RASGRP4: variants seen among roughly 807,000 people sequenced by gnomAD.
RASGRP4 encodes the protein RAS guanyl releasing protein 4.
Under a neutral mutation model 84.4 loss-of-function variants are expected in RASGRP4, and 52 were observed. That is an observed-to-expected ratio of 0.62 (90% confidence interval 0.49 to 0.78). The LOEUF (loss-of-function observed/expected upper bound fraction) is 0.78, where lower values mean the gene tolerates loss of function less well. Ranked by LOEUF, RASGRP4 falls within the 30% of genes least tolerant of loss-of-function variation. The pLI, the probability that RASGRP4 is intolerant of heterozygous loss-of-function variation, is 0.00. For missense variants in RASGRP4, 760 were observed against 886.9 expected, an observed-to-expected ratio of 0.86 and a Z score of 1.82; for synonymous variants, 356 against 359.1, an observed-to-expected ratio of 0.99 and a Z score of 0.10.
chr19:38,412,891 G>A lies in RASGRP4; in HGVS notation c.1535+40C>T. 1.1e-5 allele frequency: 17 copies of A among 1,613,326 alleles called. No individual in the cohort carries two copies. Among genetic ancestry groups the A allele is most frequent in the Non-Finnish European group, 1.4e-5 (17 of 1,179,310 alleles). ...ACCCAGGAGTCCAGGCAACCCCAGT[G>A]TCCTCATCTTCGGAGGATCCAGGAG... On this transcript the variant is annotated intron_variant, in intron 12 of 16. Coordinates refer to ENST00000615439, the MANE Select transcript of RASGRP4 (RefSeq NM_170604.3). The surrounding 1 kb of genome is among the most constrained non-coding windows in gnomAD (Gnocchi z 4.6).
rs565858291 is a variant in RASGRP4 at position 38,424,250 on chromosome 19, G to T, written c.23+1819C>A. Among the ~76,000 whole-genome samples the T allele has an allele frequency of 2.0e-5, 3 of 152,168 alleles. No homozygotes were observed. The East Asian group carries it at 5.8e-4, about 29-fold the overall frequency. The stretch of plus-strand genomic sequence containing the variant: ...TTCTCCTGCCTCAGCCTCCCAAGTA[G>T]TTGGGACTACAGGCACGTGCCACCA... On this transcript the variant is annotated intron_variant, in intron 1 of 16. Coordinates refer to ENST00000615439, the MANE Select transcript of RASGRP4 (RefSeq NM_170604.3).
chr19:38,419,499 C>G (rs1018483235), intron 6 of RASGRP4, among the ~76,000 whole-genome samples: 5 of 152,182 alleles, frequency 3.3e-5, no homozygotes, highest in African/African-American at 1.2e-4. Flanking sequence ...GTGGTGTGAT[C>G]TCAGCTCACT....
rs1971589526 is a variant in RASGRP4 at position 38,418,307 on chromosome 19, AC to A, written c.837+83del. ...GATGCGTGACGTCACCGCCGGGATG[AC>A]CCTGTGGGGTCGAGGGTCTGGAAGG... On this transcript the variant is annotated intron_variant, in intron 7 of 16. Transcript: ENST00000615439. This position sits in a 1 kb window ranked among gnomAD's most constrained non-coding sequence, Gnocchi z 4.6. 1.4e-6 allele frequency: 2 copies of A among 1,412,970 alleles called. No individual in the cohort carries two copies. The highest frequency in any genetic ancestry group is 2.5e-5 in the East Asian group (1 of 40,204). 87.5% of individuals were successfully genotyped at this position (1,412,970 alleles called of 1,614,324 possible).
Position 38,418,475 on chromosome 19 carries a change from G to T in RASGRP4, c.753C>A (p.Ser251=). ...TCAGCACCATCACCTGCACCCAGCGGGACACGCTGTTGCTGAGACCTACGG... is the reference window on the plus strand; with the variant it reads ...TCAGCACCATCACCTGCACCCAGCGTGACACGCTGTTGCTGAGACCTACGG... ...EGSVGLSNSV[S]RWVQVMVLSR... is the part of the protein sequence containing the mutation. The change falls in exon 7 of 17, where the codon TCC becomes TCA. Residue 251 remains serine (S), a synonymous_variant. Coordinates refer to ENST00000615439, the MANE Select transcript of RASGRP4 (RefSeq NM_170604.3). The surrounding 1 kb of genome is among the most constrained non-coding windows in gnomAD (Gnocchi z 4.6). 1.3e-6 allele frequency: 2 copies of T among 1,587,292 alleles called. No homozygotes were observed. Among genetic ancestry groups the T allele is most frequent in the Non-Finnish European group, 1.7e-6 (2 of 1,167,266 alleles).
intron 6 of RASGRP4, 85 bp downstream of exon 6, chr19:38,419,775 C>T: frequency 7.6e-7 from 1 of 1,309,244 alleles, no homozygotes; most frequent in Non-Finnish European, 1.1e-6. Flanking sequence ...TGCAGGTGTC[C>T]TCTCAGTCCT....
At chr19:38,420,332 C>A in intron 4 of RASGRP4, 70 bp from the exon 5 acceptor site, 1 of 1,541,560 alleles carries the variant, frequency 6.5e-7, no homozygotes, top group Non-Finnish European at 8.7e-7. Flanking sequence ...GTATTTTGGG[C>A]TGAGGAATTT....
rs1414510703 is a variant in RASGRP4 at position 38,411,333 on chromosome 19, C to T, written c.1717+12G>A. On this transcript the variant is annotated intron_variant, in intron 14 of 16. Coordinates refer to ENST00000615439, the MANE Select transcript of RASGRP4 (RefSeq NM_170604.3). ...CCAAGGCTTCCCTCCCACTCACTGA[C>T]ACCCCACTCACCCCGACAGCGGTAG... The T allele has an allele frequency of 3.1e-6, 5 of 1,605,040 alleles. No individual in the cohort carries two copies. Among genetic ancestry groups the T allele is most frequent in the South Asian group, 1.1e-5 (1 of 89,668 alleles).
At position 38,411,169 on chromosome 19, in the gene RASGRP4, C is replaced by A. The variant is rs758788130; in HGVS notation, c.1798G>T (p.Ala600Ser). Residue 600 changes from alanine (A) to serine (S), a missense_variant, in exon 15 of 17, where the codon GCA becomes TCA. Physicochemically the swap from Ala to Ser is moderately conservative, Grantham distance 99. Coordinates refer to ENST00000615439, the MANE Select transcript of RASGRP4 (RefSeq NM_170604.3). ...GGGACAGGAGCTCCGGGGGGTCCTG[C>A]ATCGCCCTTGGCCCCTGGCCTCTTC... ...CKKRPGAKGD[A>S]GPPGAPVPST... The A allele has an allele frequency of 1.2e-6, 2 of 1,613,942 alleles. No individual in the cohort carries two copies. The highest frequency in any genetic ancestry group is 2.2e-5 in the South Asian group (2 of 91,078).
intron 13 of RASGRP4, chr19:38,411,610 G>C: frequency 1.9e-6 from 1 of 536,502 alleles, no homozygotes; most frequent in Non-Finnish European, 3.3e-6. Flanking sequence ...TGGGAGGATC[G>C]CTTGAGCTCA....
At chr19:38,423,505 G>A (rs140675762) in intron 1 of RASGRP4, among the ~76,000 whole-genome samples, 41 of 150,252 alleles carry the variant, frequency 2.7e-4, no homozygotes, top group African/African-American at 9.8e-4. Flanking sequence ...CAACCTGGGT[G>A]ACAGAGTGAT....
At chr19:38,420,697 A>AG (rs1269863886) in intron 4 of RASGRP4, among the ~76,000 whole-genome samples, 1 of 106,838 alleles carries the variant, frequency 9.4e-6, no homozygotes, top group Non-Finnish European at 1.9e-5. Flanking sequence ...CTGGTTGGTG[A>AG]GGGGGGTCTC....
In RASGRP4 at chr19:38,413,285, A is replaced by G. The variant is rs1971351493; in HGVS notation, c.1324T>C (p.Phe442Leu). The G allele has an allele frequency of 1.2e-6, 2 of 1,613,182 alleles. No individual in the cohort carries two copies. The highest frequency in any genetic ancestry group is 1.7e-5 in the Admixed American group (1 of 59,950). ...CACTCCACCACCAGAGGTGCATTGAAGGGGGAGGGTGGCTGGGGCGGGGAC... is the reference window on the plus strand; with the variant it reads ...CACTCCACCACCAGAGGTGCATTGAGGGGGGAGGGTGGCTGGGGCGGGGAC... ...RCPKSLPPSPFNAPLVVEWAP... is the reference protein window; with the variant it reads ...RCPKSLPPSPLNAPLVVEWAP... The change falls in exon 11 of 17, where the codon TTC becomes CTC. Residue 442 changes from phenylalanine to leucine, a missense_variant. Phe to Leu is a conservative substitution (Grantham distance 22). Coordinates refer to ENST00000615439, the MANE Select transcript of RASGRP4 (RefSeq NM_170604.3). The surrounding 1 kb of genome is among the most constrained non-coding windows in gnomAD (Gnocchi z 4.7).
chr19:38,412,764 C>A lies in RASGRP4; in HGVS notation c.1588G>T (p.Ala530Ser). ...ELTGYLLRAS[A>S]ICSKLGLAFL... is the part of the protein sequence containing the mutation. ...GCCAGGCCCAACTTGGAGCAGATGGCGCTGGCCCGGAGCAGGTACCCTGTC... is the reference window on the plus strand; with the variant it reads ...GCCAGGCCCAACTTGGAGCAGATGGAGCTGGCCCGGAGCAGGTACCCTGTC... The change falls in exon 13 of 17, where the codon GCC becomes TCC. Residue 530 changes from alanine to serine, a missense_variant. By Grantham distance (99) the Ala-to-Ser change is moderately conservative. Coordinates refer to ENST00000615439, the MANE Select transcript of RASGRP4 (RefSeq NM_170604.3). The surrounding 1 kb of genome is among the most constrained non-coding windows in gnomAD (Gnocchi z 4.6). The A allele has an allele frequency of 6.2e-7, 1 of 1,608,766 alleles. No homozygotes were observed. The highest frequency in any genetic ancestry group is 1.7e-5 in the Admixed American group (1 of 58,746).
At chr19:38,411,857 A>ACAGGAGGTGCT (rs1971270317) in intron 13 of RASGRP4, among the ~76,000 whole-genome samples, 1 of 152,222 alleles carries the variant, frequency 6.6e-6, no homozygotes, top group South Asian at 2.1e-4. Flanking sequence ...TACCTGGCAC[A>ACAGGAGGTGCT]CAGGAGGTGC....
rs115935493 is a variant in RASGRP4 at position 38,422,681 on chromosome 19, C to T, written c.24-528G>A. On this transcript the variant is annotated intron_variant, in intron 1 of 16. Transcript: ENST00000615439. ...AATGCCTGATGATCTGTCACTGTCTCTCATCACCCCCAGATGGGAGCATCC... is the reference window on the plus strand; with the variant it reads ...AATGCCTGATGATCTGTCACTGTCTTTCATCACCCCCAGATGGGAGCATCC... Among the ~76,000 whole-genome samples, 1,450 of 152,222 alleles carry T rather than the reference C, an allele frequency of 9.5e-3. 26 individuals are homozygous for T. Among genetic ancestry groups the T allele is most frequent in the African/African-American group, 0.033 (1,372 of 41,502 alleles).
chr19:38,415,564 G>C (rs531263033), intron 8 of RASGRP4, among the ~76,000 whole-genome samples: 125 of 151,530 alleles, frequency 8.2e-4, no homozygotes, highest in African/African-American at 2.9e-3. Context: ...GTAGAGACAG[G>C]GTTTTACCAT....
At position 38,417,190 on chromosome 19, in the gene RASGRP4, CAG is replaced by C; in HGVS notation, c.838-24_838-23del. Reference sequence around the variant, plus strand: ...GCCTCTAGGAAGAGAAGCATGCACACAGGGCCGTCACGGGAGGGAGGGCAAGT... The same window carrying C: ...GCCTCTAGGAAGAGAAGCATGCACACGGCCGTCACGGGAGGGAGGGCAAGT... On this transcript the variant is annotated intron_variant, in intron 7 of 16. Transcript: ENST00000615439. This position sits in a 1 kb window ranked among gnomAD's most constrained non-coding sequence, Gnocchi z 5.1. 6.7e-7 allele frequency: 1 copy of C among 1,491,734 alleles called. No individual in the cohort carries two copies. The highest frequency in any genetic ancestry group is 9.2e-7 in the Non-Finnish European group (1 of 1,092,166). The allele number at this position is 1,491,734 out of a possible 1,614,324, so 92.4% of individuals were successfully genotyped here. A position where few individuals can be genotyped will look rare whatever the true frequency, so the allele number is the denominator to read the frequency against.
rs1369769772 is a variant in RASGRP4 at position 38,418,127 on chromosome 19, G to T, written c.837+264C>A. On this transcript the variant is annotated intron_variant, in intron 7 of 16. Coordinates refer to ENST00000615439, the MANE Select transcript of RASGRP4 (RefSeq NM_170604.3). This position sits in a 1 kb window ranked among gnomAD's most constrained non-coding sequence, Gnocchi z 4.6. ...GAAGAGACACTCTCATTGACCTGGG[G>T]ATAGAATATTCGGGCATAGGGCTTG... 1.3e-5 allele frequency among the ~76,000 whole-genome samples: 2 copies of T among 152,134 alleles called. No individual in the cohort carries two copies. The highest frequency in any genetic ancestry group is 4.8e-5 in the African/African-American group (2 of 41,434).
intron 1 of RASGRP4, among the ~76,000 whole-genome samples, chr19:38,425,588 C>A (rs1027532632): frequency 3.3e-5 from 5 of 152,164 alleles, no homozygotes; most frequent in Non-Finnish European, 7.4e-5. Flanking sequence ...AGATGAAGCC[C>A]ATTCCAGAAC....
Sources: gnomAD v4.1 joint callset for allele counts (sites outside exome capture counted in the v4.1 genomes callset) on GRCh38, gnomAD v4.1.1 for gene constraint, Gnocchi (gnomAD v3.1) non-coding constraint, MANE v1.5 for transcripts, NCBI Gene and HGNC (gene_info 2026-07-23, HGNC 2026-07-21) for gene names.